The following RRM1 variants were observed in gnomAD, a reference collection of about 807,000 sequenced individuals.
RRM1 encodes the protein ribonucleoside-diphosphate reductase large subunit.
A neutral mutation model predicts 101.5 loss-of-function variants in RRM1; 19 were observed. The observed-to-expected ratio is 0.19, with a 90% CI of 0.13 to 0.27. RRM1 has a LOEUF of 0.27. Ranked by LOEUF, RRM1 falls within the 10% of genes least tolerant of loss-of-function variation. RRM1 has a pLI of 1.00. For synonymous variants in RRM1, 298 were observed against 323.4 expected (o/e 0.92, Z 0.84); for missense variants, 500 against 962.9 (o/e 0.52, Z 6.36).
At chr11:4,101,133 C>T (rs906044110) in intron 1 of RRM1, among the ~76,000 whole-genome samples, 1 of 151,842 alleles carries the variant, frequency 6.6e-6, no homozygotes. Flanking sequence ...TGGGGCATTG[C>T]AATTTAAAAT....
At chr11:4,111,785 A>G (rs2094565946) in intron 6 of RRM1, 115 bp from the exon 7 acceptor site, 2 of 1,207,954 alleles carry the variant, frequency 1.7e-6, no homozygotes, top group African/African-American at 3.1e-5. Flanking sequence ...TGTCCTGTTT[A>G]TTAGTATAAA....
chr11:4,107,304 T>TA lies in RRM1; in HGVS notation c.287-130dup, dbSNP rs534470753. ...ACATATATGTGTTTATTGAGCACTT[T>TA]ATATGCTAGGCATTGAGGTGGGTTG... is the stretch of plus-strand genomic sequence containing the variant. On this transcript the variant is annotated intron_variant, in intron 3 of 18. Coordinates refer to ENST00000300738, the MANE Select transcript of RRM1 (RefSeq NM_001033.5). 233 of 635,812 alleles carry TA rather than the reference T, an allele frequency of 3.7e-4. 1 individual carries two copies. The African/African-American group carries it at 4.0e-3, about 11-fold the overall frequency. 39.4% of individuals were successfully genotyped at this position (635,812 alleles called of 1,614,324 possible).
intron 4 of RRM1, among the ~76,000 whole-genome samples, chr11:4,109,000 T>C (rs1829506854): frequency 6.6e-6 from 1 of 152,174 alleles, no homozygotes; most frequent in Admixed American, 6.5e-5. Flanking sequence ...CGTTATTGCT[T>C]TTATTTTCCT....
At chr11:4,119,203 G>A (rs1042365453) in intron 8 of RRM1, 1 of 152,358 alleles carries the variant, frequency 6.6e-6, no homozygotes, top group African/African-American at 2.4e-5. Flanking sequence ...CCATTATGTT[G>A]TGTTTTGGAG....
At chr11:4,135,315 A>G (rs756855567) in intron 18 of RRM1, 45 bp downstream of exon 18, 1 of 1,415,890 alleles carries the variant, frequency 7.1e-7, no homozygotes, top group South Asian at 1.4e-5. Context: ...AGCTTGAGAT[A>G]TTTTGGCATT....
intron 15 of RRM1, among the ~76,000 whole-genome samples, chr11:4,130,003 A>C (rs2094596376): frequency 6.9e-6 from 1 of 144,484 alleles, no homozygotes. Context: ...TTCTTCCAAG[A>C]GTACACATAC....
intron 12 of RRM1, among the ~76,000 whole-genome samples, chr11:4,124,517 A>AGG: frequency 1.3e-5 from 2 of 152,380 alleles, no homozygotes; most frequent in East Asian, 3.8e-4. Flanking sequence ...ATATAAATAA[A>AGG]TATGCTGCCC....
chr11:4,114,949 G>A (rs888808329), intron 7 of RRM1, among the ~76,000 whole-genome samples: 9 of 152,292 alleles, frequency 5.9e-5, no homozygotes, highest in African/African-American at 1.9e-4. Context: ...CTGACCTTGA[G>A]TGATCCGTCT....
intron 7 of RRM1, among the ~76,000 whole-genome samples, chr11:4,113,263 A>G (rs1365290776): frequency 6.6e-6 from 1 of 152,228 alleles, no homozygotes; most frequent in Non-Finnish European, 1.5e-5. Context: ...AGCAAAATTG[A>G]TATAGAAAAT....
At chr11:4,106,902 A>AT (rs1457481973) in intron 3 of RRM1, among the ~76,000 whole-genome samples, 6 of 150,994 alleles carry the variant, frequency 4.0e-5, no homozygotes, top group Non-Finnish European at 8.9e-5. Flanking sequence ...AAATTTTTTT[A>AT]TTTTTTTTGA....
chr11:4,137,794 T>G (rs371071132), intron 18 of RRM1, among the ~76,000 whole-genome samples: 1 of 6,802 alleles, frequency 1.5e-4, no homozygotes, highest in Admixed American at 1.1e-3. Flanking sequence ...CTGGCCGGGC[T>G]GGGGGCTGAC....
chr11:4,094,995 C>T lies in RRM1; in HGVS notation c.-18C>T, dbSNP rs751287534. 1.3e-6 allele frequency: 2 copies of T among 1,561,530 alleles called. No individual in the cohort carries two copies. The highest frequency in any genetic ancestry group is 8.7e-7 in the Non-Finnish European group (1 of 1,152,800). On this transcript the variant is annotated 5_prime_UTR_variant, in exon 1 of 19. Transcript: ENST00000300738. ...CAGTCCAGTCTTGGATCCTTCAGAG[C>T]CTCAGCCACTAGCTGCGATGCATGT... is the stretch of plus-strand genomic sequence containing the variant.
chr11:4,106,614 G>T (rs572514309), intron 3 of RRM1, among the ~76,000 whole-genome samples: 1 of 152,222 alleles, frequency 6.6e-6, no homozygotes, highest in African/African-American at 2.4e-5. Context: ...TGGGCGTGGT[G>T]GTGGGGGCCT....
Position 4,132,381 on chromosome 11 carries a change from GC to G in RRM1, c.1866del (p.Ser622ArgfsTer16), listed in dbSNP as rs780722755. ...AATGAGTCCATTGAACCTTACACCA[GC>G]AACATCTATACTCGCAGAGTCTTGT... is the stretch of plus-strand genomic sequence containing the variant. Reference protein sequence around the residue: ...GNNESIEPYTSNIYTRRVLSG... With the variant: ...GNNESIEPYTXNIYTRRVLSG... On this transcript the variant is annotated frameshift_variant, in exon 16 of 19. Coordinates refer to ENST00000300738, the MANE Select transcript of RRM1 (RefSeq NM_001033.5). LOFTEE classifies it high-confidence loss of function. This position sits in a 1 kb window ranked among gnomAD's most constrained non-coding sequence, Gnocchi z 4.1. 6.2e-7 allele frequency: 1 copy of G among 1,614,074 alleles called. No individual in the cohort carries two copies. Among genetic ancestry groups the G allele is most frequent in the Non-Finnish European group, 8.5e-7 (1 of 1,179,988 alleles).
rs557845392 is a variant in RRM1, at chr11:4,132,586, G to T, written c.1905+165G>T. On this transcript the variant is annotated intron_variant, in intron 16 of 18. Transcript: ENST00000300738. The surrounding 1 kb of genome is among the most constrained non-coding windows in gnomAD (Gnocchi z 4.1). The stretch of plus-strand genomic sequence containing the variant: ...ATTATTATTTGTTATTAATATTTCA[G>T]CACAATAGGCATTTAATAAATAATC... Among the ~76,000 whole-genome samples, 1 of 152,270 alleles carries T rather than the reference G, an allele frequency of 6.6e-6. No individual in the cohort carries two copies. Among genetic ancestry groups the T allele is most frequent in the East Asian group, 1.9e-4 (1 of 5,194 alleles).
intron 14 of RRM1, 66 bp from the exon 15 acceptor site, chr11:4,129,008 G>GGT (rs1554976001): frequency 3.3e-5 from 22 of 669,444 alleles, no homozygotes; most frequent in African/African-American, 2.6e-4. Context: ...TCATTTGTGG[G>GGT]TTTTTTTTTT....
Position 4,106,210 on chromosome 11 carries a change from G to T in RRM1, c.273G>T (p.Lys91Asn). 8 of 1,613,420 alleles carry T rather than the reference G, an allele frequency of 5.0e-6. No homozygotes were observed. The highest frequency in any genetic ancestry group is 6.8e-6 in the Non-Finnish European group (8 of 1,179,748). Residue 91 changes from lysine (K) to asparagine (N), a missense_variant, in exon 3 of 19, where the codon AAG becomes AAT. Physicochemically the swap from Lys to Asn is moderately conservative, Grantham distance 94 (BLOSUM62 0). This residue lies in a region of RRM1 where 44 missense variants were observed against 119.4 expected (regional missense o/e 0.37). Transcript: ENST00000300738. ...TCTCTAACTTGCACAAAGAAACAAA[G>T]AAAGTGTTCAGTGGTAAGTCTGGGG... ...IAVSNLHKET[K>N]KVFSDVMEDL...
chr11:4,111,756 G>T, intron 6 of RRM1, 116 bp downstream of exon 6: 1 of 1,217,754 alleles, frequency 8.2e-7, no homozygotes, highest in Non-Finnish European at 1.1e-6. Context: ...TTGGACTTTA[G>T]GTTTAGTTTG....
chr11:4,129,563 T>G (rs1332974217), intron 15 of RRM1, among the ~76,000 whole-genome samples: 1 of 152,088 alleles, frequency 6.6e-6, no homozygotes, highest in Non-Finnish European at 1.5e-5. Flanking sequence ...GTCATAGGAA[T>G]AATGGATTTT....
Sources: allele counts gnomAD v4.1 joint callset (sites outside exome capture counted in the v4.1 genomes callset), GRCh38; gene constraint gnomAD v4.1.1; regional missense constraint gnomAD v4.1.1; non-coding constraint Gnocchi (gnomAD v3.1); transcripts MANE v1.5; gene names NCBI Gene and HGNC (gene_info 2026-07-23, HGNC 2026-07-21).